KLHL29: variants seen among roughly 807,000 people sequenced by gnomAD.
The protein encoded by KLHL29 is kelch like family member 29.
In KLHL29, 21 loss-of-function variants were observed where a neutral mutation model predicts 80.4. The ratio of observed to expected loss-of-function variants is 0.26; its 90% CI spans 0.19 to 0.38. KLHL29 has a LOEUF of 0.38. KLHL29 is among the 10% of genes least tolerant of loss of function. The pLI is 1.00. For synonymous variants in KLHL29, 511 were observed against 526.8 expected (o/e 0.97, Z 0.41); for missense variants, 867 against 1,223.9 (o/e 0.71, Z 4.35).
chr2:23,633,249 ACACCCAC>A (rs1220007364), intron 3 of KLHL29, among the ~76,000 whole-genome samples: 1 of 152,118 alleles, frequency 6.6e-6, no homozygotes. Flanking sequence ...AGGCCACTTC[ACACCCAC>A]CACCCAGCTG....
chr2:23,429,900 A>AT lies in KLHL29; in HGVS notation c.-154+44127dup, dbSNP rs1036464492. Reference sequence around the variant, plus strand: ...GTGACTTTAAATTTATATTTTTTCAATTTTTTTAATACTTGGCACTGTAAT... The same window carrying AT: ...GTGACTTTAAATTTATATTTTTTCAATTTTTTTTAATACTTGGCACTGTAAT... On this transcript the variant is annotated intron_variant, in intron 1 of 13. Transcript: ENST00000486442. Among the ~76,000 whole-genome samples the AT allele has an allele frequency of 3.3e-5, 5 of 152,078 alleles. No homozygotes were observed. The South Asian group carries it at 6.2e-4, about 19-fold the overall frequency.
chr2:23,706,207 C>T (rs879123229), intron 13 of KLHL29, among the ~76,000 whole-genome samples: 4 of 152,248 alleles, frequency 2.6e-5, no homozygotes, highest in Non-Finnish European at 4.4e-5. Context: ...AGAGATCTTT[C>T]GTCTCCTAGC....
chr2:23,632,098 T>C (rs1669483104), intron 3 of KLHL29, among the ~76,000 whole-genome samples: 1 of 152,142 alleles, frequency 6.6e-6, no homozygotes, highest in Admixed American at 6.5e-5. Flanking sequence ...CTCTAACAAG[T>C]CTTCCAGATG....
intron 5 of KLHL29, among the ~76,000 whole-genome samples, chr2:23,683,479 C>T (rs1048078712): frequency 6.6e-6 from 1 of 152,228 alleles, no homozygotes; most frequent in Non-Finnish European, 1.5e-5. Flanking sequence ...TGTGCAACCC[C>T]AACAGGGTGA....
At chr2:23,654,409 T>G (rs899524932) in intron 5 of KLHL29, among the ~76,000 whole-genome samples, 1 of 152,208 alleles carries the variant, frequency 6.6e-6, no homozygotes, top group Non-Finnish European at 1.5e-5. Context: ...CTAATCCATC[T>G]GCTCATGTGA....
rs1280321519 is a variant in KLHL29, at chr2:23,457,711, G to A, written c.-153-17849G>A. 6.6e-6 allele frequency among the ~76,000 whole-genome samples: 1 copy of A among 152,156 alleles called. No homozygotes were observed. On this transcript the variant is annotated intron_variant, in intron 1 of 13. Transcript: ENST00000486442. This position sits in a 1 kb window ranked among gnomAD's most constrained non-coding sequence, Gnocchi z 4.3. ...CCTTGCCTGGCAAGACCTATTATCT[G>A]GGACTCTAAAGAAAACGTAAGGCCG...
At chr2:23,473,512 G>A (rs1285123410) in intron 1 of KLHL29, among the ~76,000 whole-genome samples, 1 of 152,104 alleles carries the variant, frequency 6.6e-6, no homozygotes, top group Admixed American at 6.5e-5. Flanking sequence ...TGTTTCAGTT[G>A]TCTCCCCTAG....
At chr2:23,495,891 T>G (rs1484401539) in intron 2 of KLHL29, among the ~76,000 whole-genome samples, 1 of 152,262 alleles carries the variant, frequency 6.6e-6, no homozygotes, top group Non-Finnish European at 1.5e-5. Context: ...CGTTGCAGAC[T>G]AATCCTAGCA....
chr2:23,569,076 C>T (rs1358297301), intron 3 of KLHL29, among the ~76,000 whole-genome samples: 1 of 152,226 alleles, frequency 6.6e-6, no homozygotes, highest in African/African-American at 2.4e-5. Flanking sequence ...TTGATCCTGT[C>T]ACCACTCCAG....
chr2:23,659,200 C>A (rs1308207577), intron 5 of KLHL29, among the ~76,000 whole-genome samples: 1 of 150,582 alleles, frequency 6.6e-6, no homozygotes, highest in Non-Finnish European at 1.5e-5. Flanking sequence ...TGAATGGTAC[C>A]CCCTGGAGTT....
At chr2:23,606,527 C>T (rs747836355) in intron 3 of KLHL29, among the ~76,000 whole-genome samples, 1 of 152,236 alleles carries the variant, frequency 6.6e-6, no homozygotes, top group Non-Finnish European at 1.5e-5. Flanking sequence ...CCGTGTTCAT[C>T]CTGACCGATT....
chr2:23,434,446 G>A (rs7572348), intron 1 of KLHL29, among the ~76,000 whole-genome samples: 10 of 151,566 alleles, frequency 6.6e-5, no homozygotes, highest in Non-Finnish European at 1.2e-4. Context: ...AAGGCCTTGT[G>A]CAAACCCTCC....
intron 3 of KLHL29, among the ~76,000 whole-genome samples, chr2:23,593,519 C>T (rs1668319493): frequency 6.6e-6 from 1 of 152,130 alleles, no homozygotes; most frequent in African/African-American, 2.4e-5. Context: ...TTCTGGGTCC[C>T]CTTGGACAGC....
intron 13 of KLHL29, among the ~76,000 whole-genome samples, chr2:23,705,416 TGG>T (rs1672655614): frequency 6.6e-6 from 1 of 151,422 alleles, no homozygotes. Flanking sequence ...TGCTTGAACC[TGG>T]GAGGCGGAGG....
chr2:23,687,258 C>T (rs1001460089), intron 6 of KLHL29, among the ~76,000 whole-genome samples: 3 of 152,150 alleles, frequency 2.0e-5, no homozygotes, highest in Non-Finnish European at 4.4e-5. Flanking sequence ...CTGGGTGAGC[C>T]CTGCCAGGGG....
chr2:23,673,412 A>G (rs569450961), intron 5 of KLHL29, among the ~76,000 whole-genome samples: 1 of 151,422 alleles, frequency 6.6e-6, no homozygotes, highest in South Asian at 2.1e-4. Flanking sequence ...GTACATACAC[A>G]TACAGGCACG....
intron 2 of KLHL29, among the ~76,000 whole-genome samples, chr2:23,511,553 G>C (rs1313292467): frequency 6.6e-6 from 1 of 152,242 alleles, no homozygotes; most frequent in Non-Finnish European, 1.5e-5. Flanking sequence ...CTGAGGGTTA[G>C]CTGTGTGTGA....
chr2:23,657,247 C>G (rs1287950601), intron 5 of KLHL29, among the ~76,000 whole-genome samples: 1 of 152,190 alleles, frequency 6.6e-6, no homozygotes, highest in African/African-American at 2.4e-5. Flanking sequence ...TTCCCCCAAC[C>G]CGGGCACATG....
chr2:23,604,824 C>T (rs1294299303), intron 3 of KLHL29, among the ~76,000 whole-genome samples: 3 of 152,200 alleles, frequency 2.0e-5, no homozygotes, highest in African/African-American at 7.2e-5. Flanking sequence ...CTCCTTGCTG[C>T]CTGTCGGCCT....
Sources: allele counts gnomAD v4.1 joint callset (sites outside exome capture counted in the v4.1 genomes callset), GRCh38; gene constraint gnomAD v4.1.1; non-coding constraint Gnocchi (gnomAD v3.1); transcripts MANE v1.5; gene names NCBI Gene and HGNC (gene_info 2026-07-23, HGNC 2026-07-21).